The following PLCB1 variants were observed in gnomAD, a reference collection of about 807,000 sequenced individuals.
PLCB1 encodes the protein 1-phosphatidylinositol 4,5-bisphosphate phosphodiesterase beta-1.
PLCB1 carries 46 observed loss-of-function variants against 161.8 expected under a neutral mutation model. The ratio of observed to expected loss-of-function variants is 0.28; its 90% CI spans 0.22 to 0.36. PLCB1 has a LOEUF of 0.36. Ranked by LOEUF, PLCB1 falls within the 10% of genes least tolerant of loss-of-function variation. The pLI, the probability that PLCB1 is intolerant of heterozygous loss-of-function variation, is 1.00. For missense variants in PLCB1, 1,016 were observed against 1,472.5 expected (o/e 0.69, Z 5.07); for synonymous variants, 517 against 503.7 (o/e 1.03, Z -0.35).
chr20:8,693,226 A>T (rs1990518215), intron 10 of PLCB1, among the ~76,000 whole-genome samples: 1 of 152,226 alleles, frequency 6.6e-6, no homozygotes, highest in Non-Finnish European at 1.5e-5. Flanking sequence ...GTACAAACAC[A>T]TAATGGTGAA....
At chr20:8,728,116 G>A (rs1474420432) in intron 17 of PLCB1, among the ~76,000 whole-genome samples, 7 of 152,024 alleles carry the variant, frequency 4.6e-5, no homozygotes, top group Non-Finnish European at 7.4e-5. Flanking sequence ...AATTATCATC[G>A]TTAGTATTCC....
intron 3 of PLCB1, among the ~76,000 whole-genome samples, chr20:8,587,604 T>G (rs1987029427): frequency 2.0e-5 from 3 of 152,228 alleles, no homozygotes; most frequent in African/African-American, 7.2e-5. Flanking sequence ...ATATTTATAT[T>G]CATCCAGGCA....
At chr20:8,216,612 G>A (rs920706444) in intron 2 of PLCB1, among the ~76,000 whole-genome samples, 22 of 152,196 alleles carry the variant, frequency 1.4e-4, no homozygotes, top group African/African-American at 5.1e-4. Flanking sequence ...GACTCATGGT[G>A]TCCACTCAAC....
intron 31 of PLCB1, among the ~76,000 whole-genome samples, chr20:8,816,147 C>G (rs1011831108): frequency 6.6e-6 from 1 of 152,114 alleles, no homozygotes; most frequent in East Asian, 1.9e-4. Context: ...CCAGGAGATA[C>G]AGCTAAGTGC....
Position 8,493,050 on chromosome 20 carries a change from A to C in PLCB1, c.246+121600A>C, listed in dbSNP as rs562825317. On this transcript the variant is annotated intron_variant, in intron 3 of 31. Transcript: ENST00000338037. ...TTCTTTCCCAGAAGGTAATCACTGAAATGAGCTTGGTGTGGGCACCTCTCA... is the reference window on the plus strand; with the variant it reads ...TTCTTTCCCAGAAGGTAATCACTGACATGAGCTTGGTGTGGGCACCTCTCA... 3.7e-4 allele frequency among the ~76,000 whole-genome samples: 57 copies of C among 152,220 alleles called. No homozygotes were observed. In the South Asian group the frequency reaches 0.012, roughly 32 times the overall value.
intron 31 of PLCB1, among the ~76,000 whole-genome samples, chr20:8,852,618 C>T (rs78149399): frequency 0.03 from 4,505 of 152,296 alleles, 112 homozygotes; most frequent in Non-Finnish European, 0.045. Context: ...TAAGGAGGCA[C>T]TCACTTCTTG....
chr20:8,785,220 C>T (rs1234495466), intron 27 of PLCB1, among the ~76,000 whole-genome samples: 4 of 152,070 alleles, frequency 2.6e-5, no homozygotes, highest in African/African-American at 9.7e-5. Flanking sequence ...AGATTGTCTC[C>T]ATCTTCCACA....
intron 4 of PLCB1, among the ~76,000 whole-genome samples, chr20:8,633,143 CACACATATT>C (rs1330573244): frequency 0.027 from 2,850 of 107,390 alleles, 83 homozygotes; most frequent in African/African-American, 0.09. Context: ...CACACACACA[CACACATATT>C]ATAAAGAAGG....
At chr20:8,292,912 C>T (rs903540070) in intron 2 of PLCB1, among the ~76,000 whole-genome samples, 3 of 152,232 alleles carry the variant, frequency 2.0e-5, no homozygotes, top group African/African-American at 7.2e-5. Flanking sequence ...CACTGCTGTA[C>T]CCAGAACGTA....
Position 8,697,790 on chromosome 20 carries a change from T to C in PLCB1, c.1167+7T>C, listed in dbSNP as rs45466294. ...AACTGAAATATCTTTCAAGGTAGAGTATATGAATGTTACTAAGAGAGGCAG... is the reference window on the plus strand; with the variant it reads ...AACTGAAATATCTTTCAAGGTAGAGCATATGAATGTTACTAAGAGAGGCAG... On this transcript the variant is annotated splice_region_variant and intron_variant, in intron 11 of 31. Transcript: ENST00000338037. 1,378 of 1,613,712 alleles carry C rather than the reference T, an allele frequency of 8.5e-4. 14 individuals carry two copies. The African/African-American group carries it at 0.015, about 18-fold the overall frequency.
intron 3 of PLCB1, among the ~76,000 whole-genome samples, chr20:8,462,279 G>C (rs1284218655): frequency 6.6e-6 from 1 of 152,126 alleles, no homozygotes; most frequent in Non-Finnish European, 1.5e-5. Flanking sequence ...CTCTTTTACT[G>C]TCTGCTGTGG....
At position 8,436,935 on chromosome 20, in the gene PLCB1, G is replaced by A. The variant is rs140050182; in HGVS notation, c.246+65485G>A. 4.5e-3 allele frequency among the ~76,000 whole-genome samples: 690 copies of A among 152,128 alleles called. 8 individuals carry two copies. Among genetic ancestry groups the A allele is most frequent in the African/African-American group, 0.015 (629 of 41,506 alleles). On this transcript the variant is annotated intron_variant, in intron 3 of 31. Transcript: ENST00000338037. ...CTCCCAAGTAGCTGAGATCACAGGC[G>A]TGTGCCACCACACCCAGCTAATTTT...
intron 3 of PLCB1, among the ~76,000 whole-genome samples, chr20:8,545,713 A>G (rs1020789816): frequency 6.6e-6 from 1 of 152,222 alleles, no homozygotes; most frequent in Non-Finnish European, 1.5e-5. Context: ...CAAAGTAAAA[A>G]GCCCTGAAAG....
intron 2 of PLCB1, among the ~76,000 whole-genome samples, chr20:8,296,315 A>T (rs982157309): frequency 1.3e-5 from 2 of 152,146 alleles, no homozygotes; most frequent in African/African-American, 4.8e-5. Context: ...GTCACCTCCC[A>T]TCACCCGTCA....
chr20:8,590,511 C>T (rs1383086858), intron 3 of PLCB1, among the ~76,000 whole-genome samples: 1 of 152,054 alleles, frequency 6.6e-6, no homozygotes, highest in Non-Finnish European at 1.5e-5. Flanking sequence ...ACCACAAACT[C>T]AGTGACTTAA....
chr20:8,626,549 C>T (rs920731308), intron 3 of PLCB1, among the ~76,000 whole-genome samples: 2 of 151,956 alleles, frequency 1.3e-5, no homozygotes, highest in Admixed American at 6.6e-5. Flanking sequence ...AGAAAAAAGC[C>T]GGAGAATGAG....
chr20:8,736,257 T>A (rs886151032), intron 19 of PLCB1, among the ~76,000 whole-genome samples: 1 of 152,142 alleles, frequency 6.6e-6, no homozygotes, highest in Non-Finnish European at 1.5e-5. Context: ...ATTTTGAAAA[T>A]TTGCATAGAA....
At chr20:8,179,846 C>CTTTTTTTTTTT (rs35174594) in intron 2 of PLCB1, among the ~76,000 whole-genome samples, 1 of 71,418 alleles carries the variant, frequency 1.4e-5, no homozygotes, top group African/African-American at 5.4e-5. Context: ...TTGTTGAGGG[C>CTTTTTTTTTTT]TTTTTTTTTT....
intron 3 of PLCB1, among the ~76,000 whole-genome samples, chr20:8,579,483 A>G (rs1238800127): frequency 2.0e-5 from 3 of 152,224 alleles, no homozygotes; most frequent in African/African-American, 7.2e-5. Flanking sequence ...AAGCCTCTAC[A>G]TGTTGGGTTA....
Sources: allele counts gnomAD v4.1 joint callset (sites outside exome capture counted in the v4.1 genomes callset), GRCh38; gene constraint gnomAD v4.1.1; transcripts MANE v1.5; gene names NCBI Gene and HGNC (gene_info 2026-07-23, HGNC 2026-07-21).